Variants in SLC7A11 observed in about 807,000 individuals in gnomAD.
SLC7A11 encodes the protein cystine/glutamate transporter.
Under a neutral mutation model 54.5 loss-of-function variants are expected in SLC7A11, and 35 were observed. The observed-to-expected ratio is 0.64, with a 90% CI of 0.49 to 0.85. SLC7A11 has a LOEUF of 0.85. Among genes scored for constraint, SLC7A11 ranks in the 40% least tolerant of loss-of-function variants. The pLI, the probability that SLC7A11 is intolerant of heterozygous loss-of-function variation, is 0.00. For missense variants in SLC7A11, 583 were observed against 618.1 expected (o/e 0.94, Z 0.60); for synonymous variants, 230 against 225.2 (o/e 1.02, Z -0.19).
At position 138,180,769 on chromosome 4, in the gene SLC7A11, G is replaced by A. The variant is rs1220740650; in HGVS notation, c.1138C>T (p.Leu380Phe). 3.1e-6 allele frequency: 5 copies of A among 1,612,470 alleles called. No homozygotes were observed. Among genetic ancestry groups the A allele is most frequent in the Non-Finnish European group, 4.2e-6 (5 of 1,179,228 alleles). ...AGACTGTCGAGGTCTCCAGAGAAGA[G>A]CATTATCATTGTCAAAGGGTGCTGA... Reference protein sequence around the residue: ...IVLHPLTMIMLFSGDLDSLLN... With the variant: ...IVLHPLTMIMFFSGDLDSLLN... The change falls in exon 10 of 12, where the codon CTC (leucine) becomes TTC (phenylalanine). Residue 380 changes from leucine to phenylalanine, a missense_variant. By Grantham distance (22) the Leu-to-Phe change is conservative. Coordinates refer to ENST00000280612, the MANE Select transcript of SLC7A11 (RefSeq NM_014331.4).
chr4:138,209,042 G>T (rs1482023496), intron 6 of SLC7A11, among the ~76,000 whole-genome samples: 1 of 151,872 alleles, frequency 6.6e-6, no homozygotes, highest in African/African-American at 2.4e-5. Flanking sequence ...TTGGAGTAAT[G>T]GTAGATAATT....
intron 5 of SLC7A11, 97 bp downstream of exon 5, chr4:138,219,169 A>T (rs1411237026): frequency 2.8e-6 from 2 of 714,480 alleles, no homozygotes; most frequent in Non-Finnish European, 5.0e-6. Flanking sequence ...GATTATGGCT[A>T]TTCACATTTG....
intron 6 of SLC7A11, among the ~76,000 whole-genome samples, chr4:138,191,413 G>T (rs947280270): frequency 9.2e-5 from 14 of 152,128 alleles, no homozygotes; most frequent in Admixed American, 3.9e-4. Flanking sequence ...AAGACAGAGA[G>T]ACCTGTAGGG....
At chr4:138,185,068 G>T in intron 7 of SLC7A11, 53 bp downstream of exon 7, 1 of 1,597,232 alleles carries the variant, frequency 6.3e-7, no homozygotes, top group Non-Finnish European at 8.6e-7. Flanking sequence ...CTATAAAATT[G>T]CATCAGCTCA....
In SLC7A11 at chr4:138,170,984, TACTA is replaced by T. The variant is rs1235538034; in HGVS notation, c.*968_*971del. On this transcript the variant is annotated 3_prime_UTR_variant, in exon 12 of 12. Coordinates refer to ENST00000280612, the MANE Select transcript of SLC7A11 (RefSeq NM_014331.4). ...CCATAAATTTAAAAAACTTCAGAAT[TACTA>T]ACATTGCATGTAGATATGATTACAG... 1.3e-5 allele frequency: 2 copies of T among 152,180 alleles called. No individual in the cohort carries two copies. Among genetic ancestry groups the T allele is most frequent in the Admixed American group, 6.5e-5 (1 of 15,282 alleles). 9.4% of individuals were successfully genotyped at this position (152,180 alleles called of 1,614,324 possible).
intron 9 of SLC7A11, 90 bp from the exon 10 acceptor site, chr4:138,180,880 T>C: frequency 9.0e-7 from 1 of 1,109,610 alleles, no homozygotes; most frequent in Non-Finnish European, 1.3e-6. Flanking sequence ...ACGACCTTTT[T>C]CAAATAATTA....
chr4:138,172,648 G>A (rs1222358410), intron 11 of SLC7A11, among the ~76,000 whole-genome samples: 1 of 152,132 alleles, frequency 6.6e-6, no homozygotes, highest in East Asian at 1.9e-4. Context: ...CTAGCAGTCT[G>A]TAATTCTGAT....
chr4:138,199,418 C>T (rs766991764), intron 6 of SLC7A11, among the ~76,000 whole-genome samples: 77 of 152,158 alleles, frequency 5.1e-4, no homozygotes, highest in Non-Finnish European at 9.6e-4. Context: ...GTACAGAATA[C>T]ATATAAATTT....
chr4:138,208,409 G>T (rs1166578719), intron 6 of SLC7A11, among the ~76,000 whole-genome samples: 2 of 152,052 alleles, frequency 1.3e-5, no homozygotes, highest in Non-Finnish European at 2.9e-5. Flanking sequence ...TCATTTCTTG[G>T]CTTTCATCAA....
Position 138,241,943 on chromosome 4 carries a change from T to G in SLC7A11, c.127A>C (p.Lys43Gln), listed in dbSNP as rs886687718. The G allele has an allele frequency of 6.2e-7, 1 of 1,614,040 alleles. No individual in the cohort carries two copies. The highest frequency in any genetic ancestry group is 8.5e-7 in the Non-Finnish European group (1 of 1,180,034). ...PGQEKVQLKR[K>Q]VTLLRGVSII... is the part of the protein sequence containing the mutation. ...GAGACTCCCCTCAGTAAAGTGACTT[T>G]CCTCTTCAGCTGCACTTTCTCCTGC... The change falls in exon 1 of 12, where the codon AAA becomes CAA. Residue 43 changes from lysine (K) to glutamine (Q), a missense_variant. Lys to Gln is a moderately conservative substitution (Grantham distance 53). Transcript: ENST00000280612.
chr4:138,185,099 C>T, intron 7 of SLC7A11, 22 bp downstream of exon 7: 1 of 1,611,906 alleles, frequency 6.2e-7, no homozygotes, highest in Non-Finnish European at 8.5e-7. Flanking sequence ...TTCCAATTGG[C>T]ATTTTCCCAA....
At chr4:138,198,953 A>G (rs1578646969) in intron 6 of SLC7A11, among the ~76,000 whole-genome samples, 1 of 152,170 alleles carries the variant, frequency 6.6e-6, no homozygotes, top group Non-Finnish European at 1.5e-5. Flanking sequence ...TCTATAGCAC[A>G]TAAGTAGAAA....
chr4:138,186,168 C>T (rs1164355514), intron 6 of SLC7A11, among the ~76,000 whole-genome samples: 1 of 152,148 alleles, frequency 6.6e-6, no homozygotes, highest in Admixed American at 6.6e-5. Flanking sequence ...ACTTGCTTAA[C>T]ATAATCGCCT....
rs764771269 is a variant in SLC7A11, at chr4:138,183,288, T to A, written c.933A>T (p.Leu311=). 1.2e-6 allele frequency: 2 copies of A among 1,610,280 alleles called. No individual in the cohort carries two copies. The highest frequency in any genetic ancestry group is 1.1e-5 in the South Asian group (1 of 90,722). Residue 311 remains leucine (L), a synonymous_variant, in exon 8 of 12, where the codon CTA becomes CTT. Coordinates refer to ENST00000280612, the MANE Select transcript of SLC7A11 (RefSeq NM_014331.4). ...NAVAVTFSER[L]LGNFSLAVPI... ...GAACTGCTAATGAGAAATTTCCCAG[T>A]AGCCGCTCAGAAAAGGTCTAGTGAA... is the stretch of plus-strand genomic sequence containing the variant.
intron 6 of SLC7A11, among the ~76,000 whole-genome samples, chr4:138,204,183 G>A (rs1463341500): frequency 6.6e-6 from 1 of 152,084 alleles, no homozygotes; most frequent in East Asian, 1.9e-4. Context: ...TGTCGCGTTA[G>A]AAAGAGTATG....
At chr4:138,199,920 G>A (rs1257697782) in intron 6 of SLC7A11, among the ~76,000 whole-genome samples, 1 of 152,102 alleles carries the variant, frequency 6.6e-6, no homozygotes, top group Non-Finnish European at 1.5e-5. Context: ...TCCTTGGCAA[G>A]AGGACACTGC....
chr4:138,197,309 G>A (rs1002858243), intron 6 of SLC7A11, among the ~76,000 whole-genome samples: 1 of 151,952 alleles, frequency 6.6e-6, no homozygotes, highest in Non-Finnish European at 1.5e-5. Context: ...TTTGGCATTT[G>A]CTATGTTGTT....
At chr4:138,185,352 T>C (rs540066766) in intron 6 of SLC7A11, 108 bp from the exon 7 acceptor site, 2 of 1,243,060 alleles carry the variant, frequency 1.6e-6, no homozygotes, top group East Asian at 4.8e-5. Flanking sequence ...GTATCTACAA[T>C]AATTATAGGC....
intron 3 of SLC7A11, among the ~76,000 whole-genome samples, chr4:138,224,713 C>T (rs1308536373): frequency 6.7e-6 from 1 of 149,402 alleles, no homozygotes; most frequent in Non-Finnish European, 1.5e-5. Flanking sequence ...ATATTTATTA[C>T]AAGAAAGGAT....
Sources: allele counts gnomAD v4.1 joint callset (sites outside exome capture counted in the v4.1 genomes callset), GRCh38; gene constraint gnomAD v4.1.1; transcripts MANE v1.5; gene names NCBI Gene and HGNC (gene_info 2026-07-23, HGNC 2026-07-21).